C2CD2: variants seen among roughly 807,000 people sequenced by gnomAD.
C2CD2 encodes C2 calcium dependent domain containing 2, also known as C2 domain-containing protein 2.
Under a neutral mutation model 74.3 loss-of-function variants are expected in C2CD2, and 43 were observed. That is an observed-to-expected ratio of 0.58 (90% CI 0.45 to 0.75). The LOEUF is 0.75. Ranked by LOEUF, C2CD2 falls within the 30% of genes least tolerant of loss-of-function variation. C2CD2 has a pLI of 0.00. For missense variants in C2CD2, 801 were observed against 916.3 expected, an observed-to-expected ratio of 0.87 and a Z score of 1.63; for synonymous variants, 422 against 390.7, an observed-to-expected ratio of 1.08 and a Z score of -0.94.
rs1305414601 is a variant in C2CD2, at chr21:41,939,050, CCTCA to C, written c.378+3093_378+3096del. Among the ~76,000 whole-genome samples the C allele has an allele frequency of 6.6e-6, 1 of 152,134 alleles. No individual in the cohort carries two copies. Among genetic ancestry groups the C allele is most frequent in the East Asian group, 1.9e-4 (1 of 5,198 alleles). On this transcript the variant is annotated intron_variant, in intron 2 of 13. Transcript: ENST00000380486. This position sits in a 1 kb window ranked among gnomAD's most constrained non-coding sequence, Gnocchi z 5.5. ...AGCCACGGCACCCGGCCTAGAATGT[CCTCA>C]CTTTCTATGGCTGAATTCTATTCCA...
intron 1 of C2CD2, chr21:41,952,966 G>A: frequency 5.2e-6 from 1 of 190,838 alleles, no homozygotes; most frequent in Non-Finnish European, 1.1e-5. Flanking sequence ...AGCTCTATGA[G>A]AGGCGGAAGC....
chr21:41,927,537 C>T (rs905692858), intron 2 of C2CD2, among the ~76,000 whole-genome samples: 1 of 152,146 alleles, frequency 6.6e-6, no homozygotes, highest in Admixed American at 6.5e-5. Context: ...GTGGCAGGAT[C>T]TCGGCTCACC....
At position 41,912,559 on chromosome 21, in the gene C2CD2, C is replaced by T. The variant is rs976150287; in HGVS notation, c.845-119G>A. 514 of 410,906 alleles carry T rather than the reference C, an allele frequency of 1.3e-3. 6 individuals are homozygous for T. The highest frequency in any genetic ancestry group is 5.2e-4 in the Non-Finnish European group (128 of 246,300). 25.5% of individuals were successfully genotyped at this position (410,906 alleles called of 1,614,324 possible). On this transcript the variant is annotated intron_variant, in intron 6 of 13. Transcript: ENST00000380486. ...AGGCTGGAGTGCAGTGGCGCAATCT[C>T]GGCTCACTGCAACCTCCGCCTCCCA... is the stretch of plus-strand genomic sequence containing the variant.
rs2064872967 is a variant in C2CD2, at chr21:41,899,894, G to A, written c.1561-532C>T. 1.3e-5 allele frequency among the ~76,000 whole-genome samples: 2 copies of A among 150,642 alleles called. No homozygotes were observed. The highest frequency in any genetic ancestry group is 1.3e-4 in the Admixed American group (2 of 15,052). On this transcript the variant is annotated intron_variant, in intron 12 of 13. Coordinates refer to ENST00000380486, the MANE Select transcript of C2CD2 (RefSeq NM_015500.2). The surrounding 1 kb of genome is among the most constrained non-coding windows in gnomAD (Gnocchi z 4.4). Reference sequence around the variant, plus strand: ...ATAGCGCTTCCTTGGAGGGGGGAAAGTTTGGGGAGGAGGGCACGGGGGCTC... The same window carrying A: ...ATAGCGCTTCCTTGGAGGGGGGAAAATTTGGGGAGGAGGGCACGGGGGCTC...
intron 13 of C2CD2, among the ~76,000 whole-genome samples, chr21:41,898,273 T>G (rs218369): frequency 0.27 from 41,179 of 151,970 alleles, 6,410 homozygotes; most frequent in Middle Eastern, 0.43. Flanking sequence ...TGTCCTTTTG[T>G]CCCCCGAATG....
intron 13 of C2CD2, among the ~76,000 whole-genome samples, chr21:41,896,988 T>C (rs2064831230): frequency 2.0e-5 from 3 of 152,220 alleles, no homozygotes; most frequent in South Asian, 2.1e-4. Context: ...GCTGAGCCTC[T>C]CTGCTGCATT....
chr21:41,903,334 T>C lies in C2CD2; in HGVS notation c.1433-1585A>G, dbSNP rs1327470800. ...AATTTGTAGCCAAGTGGGACAAAAG[T>C]GTGGTAACCTGGGGACCCACTATTT... On this transcript the variant is annotated intron_variant, in intron 11 of 13. Transcript: ENST00000380486. This position sits in a 1 kb window ranked among gnomAD's most constrained non-coding sequence, Gnocchi z 4.5. Among the ~76,000 whole-genome samples the C allele has an allele frequency of 6.6e-6, 1 of 152,144 alleles. No homozygotes were observed. Among genetic ancestry groups the C allele is most frequent in the Non-Finnish European group, 1.5e-5 (1 of 68,016 alleles).
rs2064692443 is a variant in C2CD2, at chr21:41,887,023, T to C, written c.*2101A>G. On this transcript the variant is annotated 3_prime_UTR_variant, in exon 14 of 14. Transcript: ENST00000380486. ...AACTTCTGATATCCTTGCACTTGAA[T>C]AGAGTGCACCTGAATTCCAAAATCA... 1 of 152,194 alleles carries C rather than the reference T, an allele frequency of 6.6e-6. No individual in the cohort carries two copies. Among genetic ancestry groups the C allele is most frequent in the Non-Finnish European group, 1.5e-5 (1 of 68,034 alleles). 9.4% of individuals were successfully genotyped at this position (152,194 alleles called of 1,614,324 possible). A position where few individuals can be genotyped will look rare whatever the true frequency, so the allele number is the denominator to read the frequency against.
chr21:41,898,949 T>C (rs556554299), intron 13 of C2CD2, 104 bp downstream of exon 13: 83 of 857,594 alleles, frequency 9.7e-5, no homozygotes, highest in Non-Finnish European at 1.5e-4. Flanking sequence ...AGGGAGTTTG[T>C]AGGGGACAAA....
At chr21:41,914,556 G>A (rs760276244) in intron 6 of C2CD2, 42 bp downstream of exon 6, 2 of 1,597,266 alleles carry the variant, frequency 1.3e-6, no homozygotes, top group African/African-American at 1.3e-5. Flanking sequence ...CTCAGGGGCT[G>A]GAAGAGCCCC....
In C2CD2 at chr21:41,918,958, C is replaced by T. The variant is rs185084558; in HGVS notation, c.495G>A (p.Leu165=). The T allele has an allele frequency of 6.2e-7, 1 of 1,612,548 alleles. No homozygotes were observed. Among genetic ancestry groups the T allele is most frequent in the East Asian group, 2.2e-5 (1 of 44,884 alleles). Residue 165 remains leucine, a splice_region_variant and synonymous_variant, in exon 4 of 14, where the codon CTG becomes CTA. Coordinates refer to ENST00000380486, the MANE Select transcript of C2CD2 (RefSeq NM_015500.2). ...CTCTCTTCTCCTTCATGTGGAACTC[C>T]AGCTATTAAAAAACAAGTTATTAGA... ...DMRLSPFHLQ[L]EFHMKEKRED...
At chr21:41,917,993 G>A in intron 5 of C2CD2, 112 bp downstream of exon 5, 3 of 1,274,000 alleles carry the variant, frequency 2.4e-6, no homozygotes, top group Non-Finnish European at 3.3e-6. Flanking sequence ...AGCCATCTTG[G>A]CTCTACCATG....
intron 1 of C2CD2, among the ~76,000 whole-genome samples, chr21:41,948,801 A>G (rs1601607565): frequency 6.9e-6 from 1 of 145,030 alleles, no homozygotes; most frequent in African/African-American, 2.5e-5. Context: ...CACTTTGTTT[A>G]CTTTTTAAAT....
At chr21:41,942,548 T>A (rs7282752) in intron 1 of C2CD2, among the ~76,000 whole-genome samples, 5,405 of 152,244 alleles carry the variant, frequency 0.036, 282 homozygotes, top group African/African-American at 0.12. Flanking sequence ...TGAATCTTCC[T>A]GCTGACAGCA....
At chr21:41,938,945 T>C (rs755005250) in intron 2 of C2CD2, among the ~76,000 whole-genome samples, 6 of 152,126 alleles carry the variant, frequency 3.9e-5, no homozygotes, top group Non-Finnish European at 8.8e-5. Flanking sequence ...GGTTTCACCA[T>C]GTTGGCAAGG....
intron 1 of C2CD2, among the ~76,000 whole-genome samples, chr21:41,947,009 G>A (rs1183423642): frequency 6.6e-6 from 1 of 152,138 alleles, no homozygotes; most frequent in African/African-American, 2.4e-5. Context: ...ACAATACAAG[G>A]AGACAGGTGG....
intron 13 of C2CD2, among the ~76,000 whole-genome samples, chr21:41,889,696 C>G (rs1479181019): frequency 6.6e-6 from 1 of 151,450 alleles, no homozygotes; most frequent in African/African-American, 2.4e-5. Context: ...TGCAGTGGCG[C>G]GATCTTGGCT....
At chr21:41,891,101 C>G (rs1387381987) in intron 13 of C2CD2, among the ~76,000 whole-genome samples, 1 of 151,692 alleles carries the variant, frequency 6.6e-6, no homozygotes, top group Admixed American at 6.6e-5. Flanking sequence ...TGTGCAGGGG[C>G]TTCGGGGACT....
At chr21:41,917,036 G>A (rs541944162) in intron 5 of C2CD2, among the ~76,000 whole-genome samples, 25 of 152,278 alleles carry the variant, frequency 1.6e-4, no homozygotes, top group South Asian at 1.0e-3. Flanking sequence ...GAGGCTGAGT[G>A]CCCCCAGGCC....
Sources: allele counts gnomAD v4.1 joint callset (sites outside exome capture counted in the v4.1 genomes callset), GRCh38; gene constraint gnomAD v4.1.1; non-coding constraint Gnocchi (gnomAD v3.1); transcripts MANE v1.5; gene names NCBI Gene and HGNC (gene_info 2026-07-23, HGNC 2026-07-21).